The following PPP2R2B variants were observed in gnomAD, a reference collection of about 807,000 sequenced individuals.
The protein encoded by PPP2R2B is serine/threonine-protein phosphatase 2A 55 kDa regulatory subunit B beta isoform.
A neutral mutation model predicts 46.0 loss-of-function variants in PPP2R2B; 5 were observed. The ratio of observed to expected loss-of-function variants is 0.11; its 90% CI spans 0.06 to 0.23. The LOEUF is 0.23. Ranked by LOEUF, PPP2R2B falls within the 10% of genes least tolerant of loss-of-function variation. The pLI, the probability that PPP2R2B is intolerant of heterozygous loss-of-function variation, is 1.00. For synonymous variants in PPP2R2B, 215 were observed against 206.7 expected, an observed-to-expected ratio of 1.04 and a Z score of -0.34; for missense variants, 367 against 575.0, an observed-to-expected ratio of 0.64 and a Z score of 3.70.
At chr5:146,848,313 A>G (rs970430270) in intron 2 of PPP2R2B, among the ~76,000 whole-genome samples, 1 of 152,112 alleles carries the variant, frequency 6.6e-6, no homozygotes, top group Non-Finnish European at 1.5e-5. Flanking sequence ...TTGGTATGTA[A>G]TCATTAACCA....
At chr5:146,855,197 C>A (rs1479647737) in intron 2 of PPP2R2B, among the ~76,000 whole-genome samples, 1 of 152,130 alleles carries the variant, frequency 6.6e-6, no homozygotes, top group African/African-American at 2.4e-5. Flanking sequence ...ATTGAAATTA[C>A]AACAGATGTA....
intron 5 of PPP2R2B, among the ~76,000 whole-genome samples, chr5:146,667,158 T>C (rs1007672948): frequency 6.6e-6 from 1 of 152,142 alleles, no homozygotes; most frequent in African/African-American, 2.4e-5. Context: ...TGTTCTGAAT[T>C]CAGGCATGAG....
intron 1 of PPP2R2B, among the ~76,000 whole-genome samples, chr5:146,991,218 T>G (rs933111111): frequency 7.9e-5 from 12 of 152,180 alleles, no homozygotes; most frequent in Non-Finnish European, 1.8e-4. Context: ...ATGCTATTAC[T>G]GGGTACATAT....
chr5:147,058,540 C>T (rs1229594976), upstream of PPP2R2B, among the ~76,000 whole-genome samples: 8 of 152,116 alleles, frequency 5.3e-5, no homozygotes, highest in Admixed American at 1.3e-4. Context: ...GCAAAATAAA[C>T]AATGGGACTA....
intron 2 of PPP2R2B, among the ~76,000 whole-genome samples, chr5:146,760,615 G>A (rs1754101486): frequency 6.6e-6 from 1 of 152,190 alleles, no homozygotes; most frequent in Non-Finnish European, 1.5e-5. Context: ...CTGAGGAGCT[G>A]CAAGTCAGAA....
At chr5:146,764,654 C>T (rs1362024288) in intron 2 of PPP2R2B, among the ~76,000 whole-genome samples, 3 of 152,144 alleles carry the variant, frequency 2.0e-5, no homozygotes, top group Non-Finnish European at 4.4e-5. Context: ...TTATACATCT[C>T]CATTCAGTCA....
At chr5:146,592,174 C>T (rs767386275) in intron 9 of PPP2R2B, 48 of 441,854 alleles carry the variant, frequency 1.1e-4, no homozygotes, top group South Asian at 5.2e-4. Flanking sequence ...TCCTTTGCCA[C>T]GTGGAGACTC....
intron 1 of PPP2R2B, among the ~76,000 whole-genome samples, chr5:146,925,817 G>A (rs1318375333): frequency 1.3e-5 from 2 of 152,078 alleles, no homozygotes; most frequent in Non-Finnish European, 1.5e-5. Context: ...TTGAGGGCCT[G>A]TTAATTTTAC....
At chr5:146,728,121 G>A (rs1310650371) in intron 2 of PPP2R2B, among the ~76,000 whole-genome samples, 1 of 147,334 alleles carries the variant, frequency 6.8e-6, no homozygotes, top group African/African-American at 2.5e-5. Context: ...TGAATATGAT[G>A]GCTAGGGAAA....
At chr5:147,005,747 G>C (rs1188567042) in intron 1 of PPP2R2B, among the ~76,000 whole-genome samples, 1 of 152,054 alleles carries the variant, frequency 6.6e-6, no homozygotes, top group East Asian at 1.9e-4. Context: ...GAAAGTCAAA[G>C]AAGGAAAGGA....
upstream of PPP2R2B, among the ~76,000 whole-genome samples, chr5:146,882,073 C>A (rs532909351): frequency 1.3e-4 from 20 of 152,038 alleles, no homozygotes; most frequent in African/African-American, 4.1e-4. Flanking sequence ...GTCAGGAGAT[C>A]GAGGCCATCC....
At chr5:146,973,911 C>A (rs1408826007) in intron 1 of PPP2R2B, among the ~76,000 whole-genome samples, 3 of 152,122 alleles carry the variant, frequency 2.0e-5, no homozygotes, top group Non-Finnish European at 4.4e-5. Flanking sequence ...ATTTGCAAAG[C>A]CTATAGGGTA....
rs556911150 is a variant in PPP2R2B at position 146,652,646 on chromosome 5, G to A, written c.448-1922C>T. ...TGTCTGAGGGATGTGCAAAGGTCCC[G>A]TGATAGAGGTGAACAAGGCAAGAGT... On this transcript the variant is annotated intron_variant, in intron 5 of 9. Transcript: ENST00000394411. Among the ~76,000 whole-genome samples, 111 of 152,228 alleles carry A rather than the reference G, an allele frequency of 7.3e-4. 2 individuals are homozygous for A. In the South Asian group the frequency reaches 0.021, roughly 29 times the overall value.
chr5:146,624,795 G>C (rs1054847972), intron 7 of PPP2R2B, among the ~76,000 whole-genome samples: 1 of 152,176 alleles, frequency 6.6e-6, no homozygotes, highest in Non-Finnish European at 1.5e-5. Context: ...GGACTGCCCT[G>C]TATGTAGCTC....
intron 1 of PPP2R2B, among the ~76,000 whole-genome samples, chr5:146,991,885 T>C (rs1186617299): frequency 2.0e-5 from 3 of 152,084 alleles, no homozygotes; most frequent in African/African-American, 7.2e-5. Flanking sequence ...CATAAATAAA[T>C]GAAAATATTT....
chr5:146,985,527 T>G (rs1468074373), intron 1 of PPP2R2B, among the ~76,000 whole-genome samples: 2 of 152,222 alleles, frequency 1.3e-5, no homozygotes, highest in Non-Finnish European at 2.9e-5. Flanking sequence ...CTAGCGGCTT[T>G]GCACTTTCTG....
chr5:147,043,013 G>A (rs1466579078), intron 1 of PPP2R2B, among the ~76,000 whole-genome samples: 1 of 152,092 alleles, frequency 6.6e-6, no homozygotes, highest in African/African-American at 2.4e-5. Flanking sequence ...CTAATACCTT[G>A]TAGCTTGTTT....
At chr5:146,814,898 A>G (rs73793280) in intron 2 of PPP2R2B, among the ~76,000 whole-genome samples, 4,013 of 151,900 alleles carry the variant, frequency 0.026, 51 homozygotes, top group Middle Eastern at 0.044. Context: ...CCTTCCTTTC[A>G]CCCCTGCCTT....
At chr5:146,676,346 A>G (rs771456112) in intron 5 of PPP2R2B, among the ~76,000 whole-genome samples, 3 of 152,130 alleles carry the variant, frequency 2.0e-5, no homozygotes, top group Non-Finnish European at 4.4e-5. Flanking sequence ...GGTGCCCAGC[A>G]TGATCTGGCC....
Sources: allele counts gnomAD v4.1 joint callset (sites outside exome capture counted in the v4.1 genomes callset), GRCh38; gene constraint gnomAD v4.1.1; transcripts MANE v1.5; gene names NCBI Gene and HGNC (gene_info 2026-07-23, HGNC 2026-07-21).